The following AIG1 variants were observed in gnomAD, a reference collection of about 807,000 sequenced individuals.
AIG1 encodes the protein androgen-induced gene 1 protein.
In AIG1, 23 loss-of-function variants were observed where a neutral mutation model predicts 31.4. That is an observed-to-expected ratio of 0.73 (90% CI 0.53 to 1.04). The LOEUF is 1.04. Ranked by LOEUF, AIG1 falls within the 50% of genes least tolerant of loss-of-function variation. The pLI, the probability that AIG1 is intolerant of heterozygous loss-of-function variation, is 0.00. For missense variants in AIG1, 274 were observed against 295.0 expected, an observed-to-expected ratio of 0.93 and a Z score of 0.52; for synonymous variants, 100 against 110.5, an observed-to-expected ratio of 0.90 and a Z score of 0.60.
chr6:143,082,208 T>G (rs143827277), intron 1 of AIG1, among the ~76,000 whole-genome samples: 1 of 152,206 alleles, frequency 6.6e-6, no homozygotes, highest in Admixed American at 6.5e-5. Flanking sequence ...TTCTGCCAGC[T>G]GAGTGCTAGT....
At chr6:143,139,917 T>C (rs1172178340) in intron 2 of AIG1, among the ~76,000 whole-genome samples, 1 of 152,252 alleles carries the variant, frequency 6.6e-6, no homozygotes, top group Non-Finnish European at 1.5e-5. Flanking sequence ...TGCAAAGTCA[T>C]ATTTATACAA....
chr6:143,223,874 A>T lies in AIG1; in HGVS notation c.399+58691A>T, dbSNP rs186749378. 2.0e-5 allele frequency among the ~76,000 whole-genome samples: 3 copies of T among 152,336 alleles called. No individual in the cohort carries two copies. The East Asian group carries it at 5.8e-4, about 29-fold the overall frequency. ...ATTTTAAATTAAATTACTGGAAATC[A>T]GTCTAGTCACCAGCTTTAATTAAGA... On this transcript the variant is annotated intron_variant, in intron 3 of 5. Coordinates refer to ENST00000357847, the MANE Select transcript of AIG1 (RefSeq NM_016108.4).
chr6:143,085,774 T>G (rs1778718979), intron 1 of AIG1, among the ~76,000 whole-genome samples: 1 of 152,222 alleles, frequency 6.6e-6, no homozygotes, highest in Non-Finnish European at 1.5e-5. Context: ...TCCCTATCAA[T>G]TACTGAATAC....
At chr6:143,207,590 A>G (rs1307234560) in intron 3 of AIG1, among the ~76,000 whole-genome samples, 1 of 152,052 alleles carries the variant, frequency 6.6e-6, no homozygotes, top group African/African-American at 2.4e-5. Context: ...GTCATCAGCT[A>G]TATCCTCATA....
At chr6:143,201,187 T>C (rs1337218287) in intron 3 of AIG1, among the ~76,000 whole-genome samples, 1 of 152,032 alleles carries the variant, frequency 6.6e-6, no homozygotes, top group Non-Finnish European at 1.5e-5. Context: ...CTGAAGTTTG[T>C]AGTCCTTAAA....
intron 1 of AIG1, among the ~76,000 whole-genome samples, chr6:143,123,684 G>A (rs1248480862): frequency 6.6e-6 from 1 of 152,002 alleles, no homozygotes; most frequent in East Asian, 1.9e-4. Flanking sequence ...ATCTATGGTT[G>A]AGTCTGTACA....
At chr6:143,320,750 T>G (rs1181021943) in intron 4 of AIG1, among the ~76,000 whole-genome samples, 2 of 151,780 alleles carry the variant, frequency 1.3e-5, no homozygotes, top group African/African-American at 4.8e-5. Flanking sequence ...GTCCTGGAGA[T>G]CTACTGTACA....
intron 3 of AIG1, among the ~76,000 whole-genome samples, chr6:143,205,748 G>A (rs1446251249): frequency 6.6e-6 from 1 of 152,088 alleles, no homozygotes; most frequent in Non-Finnish European, 1.5e-5. Flanking sequence ...ATGTAATATT[G>A]CATTAATGTG....
intron 5 of AIG1, chr6:143,337,937 C>A: frequency 2.5e-6 from 1 of 398,672 alleles, no homozygotes; most frequent in Middle Eastern, 6.3e-4. Context: ...TTCTTGCAAA[C>A]ATTATTTACA....
chr6:143,089,016 G>T (rs924205282), intron 1 of AIG1, among the ~76,000 whole-genome samples: 11 of 152,014 alleles, frequency 7.2e-5, no homozygotes, highest in African/African-American at 2.7e-4. Context: ...TTCGAAACTA[G>T]CCTGGCCAAC....
intron 2 of AIG1, among the ~76,000 whole-genome samples, chr6:143,160,930 G>A (rs1173821971): frequency 2.6e-5 from 4 of 152,100 alleles, no homozygotes; most frequent in Non-Finnish European, 4.4e-5. Flanking sequence ...ATAAGGTAGG[G>A]ATCAAAGTAT....
chr6:143,090,568 A>G (rs1006795763), intron 1 of AIG1, among the ~76,000 whole-genome samples: 3 of 152,168 alleles, frequency 2.0e-5, no homozygotes, highest in African/African-American at 7.2e-5. Flanking sequence ...ACGCACATGA[A>G]TTTTTTGGTT....
At chr6:143,232,030 G>A (rs1464370165) in intron 3 of AIG1, among the ~76,000 whole-genome samples, 3 of 152,188 alleles carry the variant, frequency 2.0e-5, no homozygotes, top group African/African-American at 7.2e-5. Flanking sequence ...TAATCATAAA[G>A]GCATTGTGGA....
intron 1 of AIG1, among the ~76,000 whole-genome samples, chr6:143,090,221 ATCT>A (rs1427256034): frequency 6.6e-6 from 1 of 152,184 alleles, no homozygotes; most frequent in Non-Finnish European, 1.5e-5. Context: ...TTATCTGCTC[ATCT>A]TCTCAGTGCT....
chr6:143,224,967 C>T (rs750843650), intron 3 of AIG1, among the ~76,000 whole-genome samples: 2 of 152,132 alleles, frequency 1.3e-5, no homozygotes, highest in Non-Finnish European at 2.9e-5. Flanking sequence ...GCCCATTGCC[C>T]GCTTAATAAA....
intron 3 of AIG1, among the ~76,000 whole-genome samples, chr6:143,234,201 T>A (rs1316277493): frequency 6.6e-6 from 1 of 152,174 alleles, no homozygotes; most frequent in Non-Finnish European, 1.5e-5. Flanking sequence ...CTTTGACAGT[T>A]TTTCCCACTG....
intron 3 of AIG1, among the ~76,000 whole-genome samples, chr6:143,201,693 C>A (rs1790709381): frequency 6.6e-6 from 1 of 152,204 alleles, no homozygotes; most frequent in Non-Finnish European, 1.5e-5. Flanking sequence ...CTATGCCCAA[C>A]CTTTATTAAC....
chr6:143,148,660 C>CA (rs1784910983), intron 2 of AIG1, among the ~76,000 whole-genome samples: 1 of 151,988 alleles, frequency 6.6e-6, no homozygotes, highest in African/African-American at 2.4e-5. Context: ...CCTGTTTTTA[C>CA]AAAACATTTA....
At chr6:143,219,662 T>C (rs985372776) in intron 3 of AIG1, among the ~76,000 whole-genome samples, 1 of 152,202 alleles carries the variant, frequency 6.6e-6, no homozygotes, top group Admixed American at 6.5e-5. Context: ...TCTCTTCCAC[T>C]ACTCAGGGCT....
Sources: gnomAD v4.1 joint callset for allele counts (sites outside exome capture counted in the v4.1 genomes callset) on GRCh38, gnomAD v4.1.1 for gene constraint, MANE v1.5 for transcripts, NCBI Gene and HGNC (gene_info 2026-07-23, HGNC 2026-07-21) for gene names.